POGK: variants seen among roughly 807,000 people sequenced by gnomAD.
POGK encodes the protein pogo transposable element derived with KRAB domain, also known as pogo transposable element with KRAB domain.
POGK carries 16 observed loss-of-function variants against 54.4 expected under a neutral mutation model. That is an observed-to-expected ratio of 0.29 (90% CI 0.20 to 0.45). The LOEUF is 0.45. Among genes scored for constraint, POGK ranks in the 20% least tolerant of loss-of-function variants. POGK has a pLI of 1.00. For missense variants in POGK, 515 were observed against 795.6 expected (o/e 0.65, Z 4.24); for synonymous variants, 271 against 302.2 (o/e 0.90, Z 1.07).
chr1:166,852,035 T>A (rs1320883395), intron 5 of POGK: 4 of 152,188 alleles, frequency 2.6e-5, no homozygotes, highest in Non-Finnish European at 5.9e-5. Context: ...GAGCAAGAAG[T>A]TCTTACTATT....
rs1319064516 is a variant in POGK, at chr1:166,852,645, AGT to A, written c.*79_*80del. 1 of 152,268 alleles carries A rather than the reference AGT, an allele frequency of 6.6e-6. No individual in the cohort carries two copies. Among genetic ancestry groups the A allele is most frequent in the Non-Finnish European group, 1.5e-5 (1 of 68,054 alleles). 9.4% of individuals were successfully genotyped at this position (152,268 alleles called of 1,614,324 possible). Reference sequence around the variant, plus strand: ...ATTCCTCAAGATGATTATTCCTGAAAGTGTGGATGCGCTGGATGCGCAGGGAA... The same window carrying A: ...ATTCCTCAAGATGATTATTCCTGAAAGTGGATGCGCTGGATGCGCAGGGAA... On this transcript the variant is annotated 3_prime_UTR_variant, in exon 6 of 6. Transcript: ENST00000367876.
chr1:166,849,032 C>T lies in POGK; in HGVS notation c.453C>T (p.Gly151=), dbSNP rs780894099. 1.9e-6 allele frequency: 3 copies of T among 1,614,200 alleles called. No individual in the cohort carries two copies. The Admixed American group carries it at 5.0e-5, about 27-fold the overall frequency. ...FPQPQHFDSF[G]LRLPRDITEL... is the part of the protein sequence containing the mutation. ...AGCCTCAGCACTTTGACAGCTTTGGCCTCCGTCTGCCTCGGGATATCACAG... is the reference window on the plus strand; with the variant it reads ...AGCCTCAGCACTTTGACAGCTTTGGTCTCCGTCTGCCTCGGGATATCACAG... Residue 151 remains glycine, a synonymous_variant, in exon 5 of 6, where the codon GGC becomes GGT. Transcript: ENST00000367876.
At chr1:166,844,733 G>C (rs780252712) in intron 2 of POGK, among the ~76,000 whole-genome samples, 1 of 152,216 alleles carries the variant, frequency 6.6e-6, no homozygotes, top group Non-Finnish European at 1.5e-5. Flanking sequence ...TACAGGTCCT[G>C]CTTTCAACAA....
chr1:166,843,400 C>G (rs1657618465), intron 2 of POGK, among the ~76,000 whole-genome samples: 1 of 152,216 alleles, frequency 6.6e-6, no homozygotes, highest in Non-Finnish European at 1.5e-5. Flanking sequence ...AGGGAGGCCT[C>G]AGGCTCTCTA....
chr1:166,850,370 A>C lies in POGK; in HGVS notation c.1791A>C (p.Pro597=). ...AGTTGCCAGGAGGAGGAGAACCACC[A>C]AAAGATTGTGACACCGAAAGCATGG... The part of the protein sequence containing the change: ...ESELPGGGEP[P]KDCDTESMAE... The change falls in exon 5 of 6, where the codon CCA becomes CCC. Residue 597 remains proline, a synonymous_variant. Transcript: ENST00000367876. 2 of 1,612,974 alleles carry C rather than the reference A, an allele frequency of 1.2e-6. No homozygotes were observed. Among genetic ancestry groups the C allele is most frequent in the South Asian group, 2.2e-5 (2 of 90,946 alleles).
rs751914971 is a variant in POGK at position 166,850,106 on chromosome 1, G to C, written c.1527G>C (p.Val509=). 1.2e-6 allele frequency: 2 copies of C among 1,604,264 alleles called. No homozygotes were observed. Among genetic ancestry groups the C allele is most frequent in the Admixed American group, 3.4e-5 (2 of 58,086 alleles). The change falls in exon 5 of 6, where the codon GTG becomes GTC. Residue 509 remains valine, a synonymous_variant. Coordinates refer to ENST00000367876, the MANE Select transcript of POGK (RefSeq NM_017542.5). ...CACAGCTTCAGGTGCTGGATGTCGT[G>C]GTCTACAAGCCACTGAATGACAGTG... ...LTSQLQVLDV[V]VYKPLNDSVR...
At chr1:166,841,768 T>C (rs1657524236) in intron 2 of POGK, among the ~76,000 whole-genome samples, 1 of 152,192 alleles carries the variant, frequency 6.6e-6, no homozygotes, top group South Asian at 2.1e-4. Context: ...TTTTCCGTTG[T>C]GTATAAACAT....
intron 3 of POGK, 63 bp downstream of exon 3, chr1:166,846,801 C>T: frequency 6.3e-7 from 1 of 1,594,496 alleles, no homozygotes; most frequent in Non-Finnish European, 8.6e-7. Flanking sequence ...TTCCATGCCT[C>T]TCTTCTCTGG....
chr1:166,847,657 G>A (rs779347975), intron 4 of POGK, 65 bp downstream of exon 4: 21 of 1,272,504 alleles, frequency 1.7e-5, no homozygotes, highest in South Asian at 5.0e-5. Flanking sequence ...GATTTTCAGT[G>A]TACATTCCAC....
At position 166,850,320 on chromosome 1, in the gene POGK, G is replaced by A. The variant is rs1248279951; in HGVS notation, c.1741G>A (p.Asp581Asn). 1 of 1,611,196 alleles carries A rather than the reference G, an allele frequency of 6.2e-7. No individual in the cohort carries two copies. Among genetic ancestry groups the A allele is most frequent in the Admixed American group, 1.7e-5 (1 of 59,582 alleles). Residue 581 changes from aspartate to asparagine, a missense_variant, in exon 5 of 6, where the codon GAT becomes AAT. By Grantham distance (23) the Asp-to-Asn change is conservative. Around this residue, in one of 2 missense-constraint regions of POGK, gnomAD observed 461 missense variants for 743.5 expected, o/e 0.62. Coordinates refer to ENST00000367876, the MANE Select transcript of POGK (RefSeq NM_017542.5). Reference protein sequence around the residue: ...HISSNLEEEDDVLWEIESELP... With the variant: ...HISSNLEEEDNVLWEIESELP... ...CTCCAGCAACTTGGAGGAGGAAGAC[G>A]ATGTCCTGTGGGAAATCGAGAGTGA...
intron 1 of POGK, among the ~76,000 whole-genome samples, 195 bp from the exon 2 acceptor site, chr1:166,840,760 T>C (rs1341867717): frequency 2.0e-5 from 3 of 152,224 alleles, no homozygotes; most frequent in South Asian, 2.1e-4. Flanking sequence ...ATACGTTATC[T>C]ACCCACAGCC....
chr1:166,845,088 G>A (rs1415540149), intron 2 of POGK, among the ~76,000 whole-genome samples: 9 of 152,278 alleles, frequency 5.9e-5, no homozygotes, highest in African/African-American at 2.2e-4. Context: ...AGGCAGCTGT[G>A]CTCGGTATTG....
chr1:166,840,335 A>G (rs1015982208), intron 1 of POGK: 2 of 152,352 alleles, frequency 1.3e-5, no homozygotes, highest in East Asian at 1.9e-4. Flanking sequence ...GTATCCAGGC[A>G]TAACCCTCAC....
chr1:166,843,985 A>T (rs1337048039), intron 2 of POGK, among the ~76,000 whole-genome samples: 1 of 152,198 alleles, frequency 6.6e-6, no homozygotes, highest in African/African-American at 2.4e-5. Context: ...GTTGAGCCAG[A>T]TAAAAGGCCT....
chr1:166,850,213 G>GC lies in POGK; in HGVS notation c.1636dup (p.Leu546ProfsTer12). The GC allele has an allele frequency of 6.4e-7, 1 of 1,554,836 alleles. No individual in the cohort carries two copies. On this transcript the variant is annotated frameshift_variant, in exon 5 of 6. Transcript: ENST00000367876. LOFTEE classifies it high-confidence loss of function. The stretch of plus-strand genomic sequence containing the variant: ...GGGAATGCTAAGAAGCCACCCCTGG[G>GC]CCTCTTTCTGGAGTGGGTCATGGTC...
chr1:166,845,162 CATTAGCCTGG>C, intron 2 of POGK, among the ~76,000 whole-genome samples: 1 of 152,078 alleles, frequency 6.6e-6, no homozygotes, highest in East Asian at 1.9e-4. Context: ...TTGGCTATGA[CATTAGCCTGG>C]AAATGAGACC....
chr1:166,849,816 C>A lies in POGK; in HGVS notation c.1237C>A (p.Pro413Thr). ...CTTGGCTGATGGGAGGAAGTTACCACCGTACATCATTTTGAGGGGAACATA... is the reference window on the plus strand; with the variant it reads ...CTTGGCTGATGGGAGGAAGTTACCAACGTACATCATTTTGAGGGGAACATA... ...GVLADGRKLP[P>T]YIILRGTYIP... is the part of the protein sequence containing the mutation. The change falls in exon 5 of 6, where the codon CCG becomes ACG. Residue 413 changes from proline (P) to threonine (T), a missense_variant. Pro to Thr is a conservative substitution (Grantham distance 38). Coordinates refer to ENST00000367876, the MANE Select transcript of POGK (RefSeq NM_017542.5). 6.2e-7 allele frequency: 1 copy of A among 1,614,258 alleles called. No homozygotes were observed. The highest frequency in any genetic ancestry group is 8.5e-7 in the Non-Finnish European group (1 of 1,180,046).
Position 166,841,031 on chromosome 1 carries a change from A to G in POGK, c.75A>G (p.Glu25=). The change falls in exon 2 of 6, where the codon GAA becomes GAG. Residue 25 remains glutamate, a synonymous_variant. Coordinates refer to ENST00000367876, the MANE Select transcript of POGK (RefSeq NM_017542.5). Reference sequence around the variant, plus strand: ...AGGAAGAAGAGATTCAGAGCCGGGAACTAGAGGACGGCCCGGCAGACATGC... The same window carrying G: ...AGGAAGAAGAGATTCAGAGCCGGGAGCTAGAGGACGGCCCGGCAGACATGC... The part of the protein sequence containing the change: ...EEEEEEIQSR[E]LEDGPADMQK... The G allele has an allele frequency of 1.2e-6, 2 of 1,614,062 alleles. No individual in the cohort carries two copies. The highest frequency in any genetic ancestry group is 1.1e-5 in the South Asian group (1 of 91,070).
Position 166,849,563 on chromosome 1 carries a change from C to G in POGK, c.984C>G (p.Pro328=). 1 of 1,614,276 alleles carries G rather than the reference C, an allele frequency of 6.2e-7. No homozygotes were observed. Among genetic ancestry groups the G allele is most frequent in the Admixed American group, 1.7e-5 (1 of 60,038 alleles). The part of the protein sequence containing the change: ...DLSLRHKVPV[P]QHLPEDLTEK... ...CTCTGAGGCATAAAGTGCCCGTGCC[C>G]CAGCACCTGCCGGAAGACCTGACTG... The change falls in exon 5 of 6, where the codon CCC becomes CCG. Residue 328 remains proline, a synonymous_variant. Transcript: ENST00000367876.
Sources: allele counts gnomAD v4.1 joint callset (sites outside exome capture counted in the v4.1 genomes callset), GRCh38; gene constraint gnomAD v4.1.1; regional missense constraint gnomAD v4.1.1; transcripts MANE v1.5; gene names NCBI Gene and HGNC (gene_info 2026-07-23, HGNC 2026-07-21).